The following BEND6 variants were observed in gnomAD, a reference collection of about 807,000 sequenced individuals.
BEND6 encodes the protein BEN domain-containing protein 6.
In BEND6, 24 loss-of-function variants were observed where a neutral mutation model predicts 31.8. The observed-to-expected ratio is 0.75, with a 90% CI of 0.55 to 1.06. BEND6 has a LOEUF of 1.06. Ranked by LOEUF, BEND6 falls within the 50% of genes least tolerant of loss-of-function variation. BEND6 has a pLI of 0.00. For synonymous variants in BEND6, 109 were observed against 114.6 expected, an observed-to-expected ratio of 0.95 and a Z score of 0.31; for missense variants, 294 against 327.4, an observed-to-expected ratio of 0.90 and a Z score of 0.79.
At chr6:56,991,359 G>A (rs936003084) in intron 2 of BEND6, among the ~76,000 whole-genome samples, 4 of 151,688 alleles carry the variant, frequency 2.6e-5, no homozygotes, top group African/African-American at 9.7e-5. Flanking sequence ...TTACTTTCTG[G>A]AGGTTTTTTT....
intron 2 of BEND6, among the ~76,000 whole-genome samples, chr6:56,986,019 T>C (rs1252629392): frequency 6.6e-6 from 1 of 152,218 alleles, no homozygotes; most frequent in Non-Finnish European, 1.5e-5. Flanking sequence ...TAACAAGAAC[T>C]AGACCATAGA....
chr6:56,986,509 T>C (rs1421084241), intron 2 of BEND6, among the ~76,000 whole-genome samples: 3 of 152,156 alleles, frequency 2.0e-5, no homozygotes, highest in Admixed American at 6.5e-5. Flanking sequence ...GCAAATCATA[T>C]AAAAATGTAG....
chr6:57,015,366 A>G lies in BEND6; in HGVS notation c.519+13A>G, dbSNP rs777569529. The G allele has an allele frequency of 7.5e-6, 12 of 1,593,550 alleles. No individual in the cohort carries two copies. In the South Asian group the frequency reaches 1.3e-4, roughly 18 times the overall value. ...TGATGAGAAACAGGTCAGTTGTAAT[A>G]CCCGCCTTATTGTTCTTTGGAATAT... is the stretch of plus-strand genomic sequence containing the variant. On this transcript the variant is annotated intron_variant, in intron 4 of 6. Coordinates refer to ENST00000370746, the MANE Select transcript of BEND6 (RefSeq NM_152731.3).
chr6:57,011,659 A>G (rs1827345485), intron 3 of BEND6, among the ~76,000 whole-genome samples: 1 of 140,206 alleles, frequency 7.1e-6, no homozygotes, highest in Non-Finnish European at 1.5e-5. Context: ...TCAAGGCTGT[A>G]GTAAGCTGTG....
intron 2 of BEND6, 88 bp downstream of exon 2, chr6:56,982,018 C>G (rs980136447): frequency 6.1e-6 from 8 of 1,308,568 alleles, no homozygotes; most frequent in African/African-American, 1.5e-5. Context: ...GTGCTTCTCC[C>G]TCTTCTATTA....
At chr6:56,968,101 TA>T (rs1825550451) in intron 1 of BEND6, among the ~76,000 whole-genome samples, 2 of 152,162 alleles carry the variant, frequency 1.3e-5, no homozygotes, top group Non-Finnish European at 2.9e-5. Flanking sequence ...GGAACTAAAT[TA>T]ATTTCTTTTC....
At chr6:57,006,035 A>C (rs946237909) in intron 3 of BEND6, among the ~76,000 whole-genome samples, 3 of 152,226 alleles carry the variant, frequency 2.0e-5, no homozygotes, top group Non-Finnish European at 4.4e-5. Flanking sequence ...TCCTAAAAGC[A>C]GTGTGGCGTA....
At chr6:57,008,303 G>A in intron 3 of BEND6, 1 of 698,306 alleles carries the variant, frequency 1.4e-6, no homozygotes, top group Non-Finnish European at 2.6e-6. Flanking sequence ...CTATTATTTT[G>A]GCTTGCTCCA....
At chr6:56,988,874 CA>C (rs1215322498) in intron 2 of BEND6, among the ~76,000 whole-genome samples, 1 of 151,826 alleles carries the variant, frequency 6.6e-6, no homozygotes, top group Non-Finnish European at 1.5e-5. Flanking sequence ...ACTAAATGTA[CA>C]AAAAAATTAG....
chr6:57,000,098 C>T (rs976068186), intron 3 of BEND6, among the ~76,000 whole-genome samples: 4 of 152,128 alleles, frequency 2.6e-5, no homozygotes, highest in Admixed American at 6.5e-5. Context: ...AAAGAGACAG[C>T]GACCATCGAG....
chr6:57,006,232 C>A (rs541992045), intron 3 of BEND6, among the ~76,000 whole-genome samples: 1 of 152,204 alleles, frequency 6.6e-6, no homozygotes, highest in Non-Finnish European at 1.5e-5. Context: ...CAGAGCCTGG[C>A]ACATAGCAAG....
At position 57,026,472 on chromosome 6, in the gene BEND6, A is replaced by T. The variant is rs946576055; in HGVS notation, c.*400A>T. 1 of 152,234 alleles carries T rather than the reference A, an allele frequency of 6.6e-6. No individual in the cohort carries two copies. The highest frequency in any genetic ancestry group is 1.5e-5 in the Non-Finnish European group (1 of 68,046). The allele number at this position is 152,234 out of a possible 1,614,324, so 9.4% of individuals were successfully genotyped here. A position where few individuals can be genotyped will look rare whatever the true frequency, so the allele number is the denominator to read the frequency against. On this transcript the variant is annotated 3_prime_UTR_variant, in exon 7 of 7. Transcript: ENST00000370746. ...TCATTGTCCTAACCAATCATTGTACATTGATTATTACCAGTGACTTCCCAT... is the reference window on the plus strand; with the variant it reads ...TCATTGTCCTAACCAATCATTGTACTTTGATTATTACCAGTGACTTCCCAT...
At chr6:56,989,847 T>C (rs1826425587) in intron 2 of BEND6, among the ~76,000 whole-genome samples, 1 of 152,188 alleles carries the variant, frequency 6.6e-6, no homozygotes, top group African/African-American at 2.4e-5. Context: ...CCACCAGTTG[T>C]GATGTGTTTT....
At chr6:56,970,007 A>G (rs1432625667) in intron 1 of BEND6, among the ~76,000 whole-genome samples, 2 of 152,172 alleles carry the variant, frequency 1.3e-5, no homozygotes, top group African/African-American at 2.4e-5. Flanking sequence ...CTTTTTTTAA[A>G]TGAAATAAAA....
At chr6:56,997,957 G>A (rs1826787046) in intron 3 of BEND6, among the ~76,000 whole-genome samples, 1 of 151,956 alleles carries the variant, frequency 6.6e-6, no homozygotes, top group Non-Finnish European at 1.5e-5. Context: ...TGCTTTCACG[G>A]AGCGTGTGTG....
At position 56,996,712 on chromosome 6, in the gene BEND6, T is replaced by A. The variant is rs141418346; in HGVS notation, c.298+4157T>A. ...TTATCTTCATGTTATCTTCTATTTC[T>A]GTATTTATTTTACACCCCACACTCA... On this transcript the variant is annotated intron_variant, in intron 3 of 6. Coordinates refer to ENST00000370746, the MANE Select transcript of BEND6 (RefSeq NM_152731.3). Among the ~76,000 whole-genome samples, 87 of 152,348 alleles carry A rather than the reference T, an allele frequency of 5.7e-4. 2 individuals are homozygous for A. Among genetic ancestry groups the A allele is most frequent in the African/African-American group, 2.0e-3 (84 of 41,584 alleles).
At chr6:57,015,955 C>G (rs1054682581) in intron 4 of BEND6, among the ~76,000 whole-genome samples, 14 of 151,994 alleles carry the variant, frequency 9.2e-5, no homozygotes, top group Non-Finnish European at 1.9e-4. Flanking sequence ...AACTGTTGTC[C>G]TTTTATAATA....
intron 4 of BEND6, among the ~76,000 whole-genome samples, chr6:57,015,943 A>G (rs1327171228): frequency 1.3e-5 from 2 of 152,200 alleles, no homozygotes; most frequent in Non-Finnish European, 2.9e-5. Flanking sequence ...CCAAAGGCAT[A>G]AAACTGTTGT....
At position 57,017,406 on chromosome 6, in the gene BEND6, A is replaced by C; in HGVS notation, c.712+7A>C. 1 of 1,339,784 alleles carries C rather than the reference A, an allele frequency of 7.5e-7. No homozygotes were observed. Among genetic ancestry groups the C allele is most frequent in the Non-Finnish European group, 9.7e-7 (1 of 1,034,594 alleles). The allele number at this position is 1,339,784 out of a possible 1,614,324, so 83.0% of individuals were successfully genotyped here. A position where few individuals can be genotyped will look rare whatever the true frequency, so the allele number is the denominator to read the frequency against. ...GAAGTCCAAGAAATCATAGGTGATA[A>C]TATGATTGCGTTATATTGTCGTATG... On this transcript the variant is annotated splice_region_variant and intron_variant, in intron 5 of 6. Transcript: ENST00000370746.
Sources: gnomAD v4.1 joint callset for allele counts (sites outside exome capture counted in the v4.1 genomes callset) on GRCh38, gnomAD v4.1.1 for gene constraint, MANE v1.5 for transcripts, NCBI Gene and HGNC (gene_info 2026-07-23, HGNC 2026-07-21) for gene names.